PSG4: variants seen among roughly 807,000 people sequenced by gnomAD.
PSG4 encodes pregnancy specific beta-1-glycoprotein 4, also known as pregnancy-specific beta-1-glycoprotein 4.
PSG4 carries 61 observed loss-of-function variants against 44.3 expected under a neutral mutation model. That is an observed-to-expected ratio of 1.38 (90% confidence interval 1.12 to 1.70). The LOEUF (loss-of-function observed/expected upper bound fraction) is 1.70, where lower values mean the gene tolerates loss of function less well. Ranked by LOEUF, PSG4 falls within the 40% of genes most tolerant of loss-of-function variation. The pLI, the probability that PSG4 is intolerant of heterozygous loss-of-function variation, is 0.00. For missense variants in PSG4, 677 were observed against 511.7 expected, an observed-to-expected ratio of 1.32 and a Z score of -3.12; for synonymous variants, 248 against 191.3, an observed-to-expected ratio of 1.30 and a Z score of -2.45.
rs138298540 is a variant in PSG4 at position 43,195,521 on chromosome 19, G to A, written c.710-248C>T. Among the ~76,000 whole-genome samples the A allele has an allele frequency of 2.1e-3, 322 of 151,518 alleles. 4 individuals carry two copies. Among genetic ancestry groups the A allele is most frequent in the African/African-American group, 7.3e-3 (300 of 41,164 alleles). The stretch of plus-strand genomic sequence containing the variant: ...AATTGAGCAGCAGTGTTGGGTCATG[G>A]ACAGACATATCAGTGGGAGTCACAG... On this transcript the variant is annotated intron_variant, in intron 3 of 5. Coordinates refer to ENST00000405312, the MANE Select transcript of PSG4 (RefSeq NM_002780.5).
At chr19:43,203,760 C>G in intron 2 of PSG4, 126 bp downstream of exon 2, 2 of 1,469,464 alleles carry the variant, frequency 1.4e-6, no homozygotes, top group African/African-American at 3.1e-5. Context: ...ACTAAATGCC[C>G]AAACCCCAGC....
Position 43,193,331 on chromosome 19 carries a change from G to C in PSG4, c.*41C>G, listed in dbSNP as rs1254179684. ...GAACAGAGTGGGTCTTGCTCTTCGT[G>C]ATTCCATGGGAGAAAATGGAATTGG... On this transcript the variant is annotated 3_prime_UTR_variant, in exon 6 of 6. Transcript: ENST00000405312. The C allele has an allele frequency of 1.3e-6, 1 of 775,174 alleles. No individual in the cohort carries two copies. Among genetic ancestry groups the C allele is most frequent in the Non-Finnish European group, 2.4e-6 (1 of 417,624 alleles). 48.0% of individuals were successfully genotyped at this position (775,174 alleles called of 1,614,324 possible). A position where few individuals can be genotyped will look rare whatever the true frequency, so the allele number is the denominator to read the frequency against.
At chr19:43,201,611 C>T (rs28731285) in intron 2 of PSG4, among the ~76,000 whole-genome samples, 32,330 of 143,868 alleles carry the variant, frequency 0.22, 6,177 homozygotes, top group Non-Finnish European at 0.28. Flanking sequence ...CATTTCCCTC[C>T]GCCCGCATGA....
At position 43,204,292 on chromosome 19, in the gene PSG4, G is replaced by A. The variant is rs1200203854; in HGVS notation, c.65-41C>T. ...AGCATCAGTTAATATTGAGACCTAT[G>A]TATTGGGGTGAAAAGATGGGTCCTG... On this transcript the variant is annotated intron_variant, in intron 1 of 5. Coordinates refer to ENST00000405312, the MANE Select transcript of PSG4 (RefSeq NM_002780.5). 2.6e-6 allele frequency: 4 copies of A among 1,516,462 alleles called. 1 individual carries two copies. Among genetic ancestry groups the A allele is most frequent in the East Asian group, 2.7e-5 (1 of 36,922 alleles). 93.9% of individuals were successfully genotyped at this position (1,516,462 alleles called of 1,614,324 possible). A position where few individuals can be genotyped will look rare whatever the true frequency, so the allele number is the denominator to read the frequency against.
chr19:43,194,977 G>A lies in PSG4; in HGVS notation c.988+18C>T. ...TTAAGCTGGTGTCCTGGCCCACAGA[G>A]GAACAAAAGATACTCACAGAGGACA... is the stretch of plus-strand genomic sequence containing the variant. On this transcript the variant is annotated intron_variant, in intron 4 of 5. Coordinates refer to ENST00000405312, the MANE Select transcript of PSG4 (RefSeq NM_002780.5). 3.1e-6 allele frequency: 5 copies of A among 1,608,318 alleles called. No individual in the cohort carries two copies. Among genetic ancestry groups the A allele is most frequent in the Non-Finnish European group, 4.2e-6 (5 of 1,176,614 alleles).
rs182267926 is a variant in PSG4, at chr19:43,202,536, T to C, written c.430+1350A>G. ...TTCTTCATTCCATTCCTTCATTTGT[T>C]ATGTGAGAGCTCCTGAGTGTGTGTC... On this transcript the variant is annotated intron_variant, in intron 2 of 5. Transcript: ENST00000405312. Among the ~76,000 whole-genome samples the C allele has an allele frequency of 6.0e-4, 87 of 144,404 alleles. 13 individuals carry two copies. The highest frequency in any genetic ancestry group is 2.2e-3 in the African/African-American group (81 of 37,396). 94.7% of individuals were successfully genotyped at this position (144,404 alleles called of 152,430 possible). A position where few individuals can be genotyped will look rare whatever the true frequency, so the allele number is the denominator to read the frequency against.
Position 43,198,208 on chromosome 19 carries a change from G to A in PSG4, c.498C>T (p.Ile166=), listed in dbSNP as rs777358008. The A allele has an allele frequency of 3.0e-5, 48 of 1,587,692 alleles. 4 individuals carry two copies. Among genetic ancestry groups the A allele is most frequent in the Middle Eastern group, 3.4e-4 (2 of 5,962 alleles). Residue 166 remains isoleucine, a synonymous_variant, in exon 3 of 6, where the codon ATC becomes ATT. Coordinates refer to ENST00000405312, the MANE Select transcript of PSG4 (RefSeq NM_002780.5). ...CTGGAGTCGCAGGATCACAGGTTAA[G>A]ATCACAGCCTCCATGGCCTCCCTGG... The part of the protein sequence containing the change: ...LNPREAMEAV[I]LTCDPATPAA...
rs59165427 is a variant in PSG4, at chr19:43,205,111, C to CTTTTTTTTT, written c.64+353_64+361dup. ...TTCTTTTTTCTTTTTTTCCTTTTTT[C>CTTTTTTTTT]TTTTTTTTTTTTTTGAGACGGAGTC... On this transcript the variant is annotated intron_variant, in intron 1 of 5. Transcript: ENST00000405312. 6.6e-4 allele frequency among the ~76,000 whole-genome samples: 60 copies of CTTTTTTTTT among 90,838 alleles called. 12 individuals are homozygous for CTTTTTTTTT. Among genetic ancestry groups the CTTTTTTTTT allele is most frequent in the African/African-American group, 3.0e-3 (58 of 19,424 alleles). The allele number at this position is 90,838 out of a possible 152,430, so 59.6% of individuals were successfully genotyped here. A position where few individuals can be genotyped will look rare whatever the true frequency, so the allele number is the denominator to read the frequency against.
intron 3 of PSG4, among the ~76,000 whole-genome samples, chr19:43,195,964 G>C (rs1315090201): frequency 8.6e-5 from 13 of 150,808 alleles, no homozygotes; most frequent in Non-Finnish European, 4.4e-5. Flanking sequence ...AAGGGGACAG[G>C]CAAGAGCTGG....
chr19:43,204,762 C>G (rs1568391463), intron 1 of PSG4: 1 of 370,760 alleles, frequency 2.7e-6, no homozygotes, highest in Non-Finnish European at 5.2e-6. Context: ...CACCCCAGTA[C>G]CTGGAACAGG....
chr19:43,204,702 CGATGA>C (rs1967689806), intron 1 of PSG4: 2 of 208,046 alleles, frequency 9.6e-6, no homozygotes, highest in Admixed American at 5.9e-5. Flanking sequence ...CTTCCCCCCA[CGATGA>C]CTGTGTGAGC....
chr19:43,200,554 T>G (rs1967460620), intron 2 of PSG4, among the ~76,000 whole-genome samples: 1 of 133,094 alleles, frequency 7.5e-6, no homozygotes, highest in South Asian at 2.4e-4. Context: ...CCAGTAAGCA[T>G]CAAAAGCATT....
rs1483693248 is a variant in PSG4 at position 43,192,916 on chromosome 19, G to A, written c.*456C>T. On this transcript the variant is annotated 3_prime_UTR_variant, in exon 6 of 6. Coordinates refer to ENST00000405312, the MANE Select transcript of PSG4 (RefSeq NM_002780.5). ...TTCATTTCTATTGGGAGCCCTGTATGCAAGATGGAGAGAGCCACATTTCCC... is the reference window on the plus strand; with the variant it reads ...TTCATTTCTATTGGGAGCCCTGTATACAAGATGGAGAGAGCCACATTTCCC... 4 of 385,922 alleles carry A rather than the reference G, an allele frequency of 1.0e-5. No individual in the cohort carries two copies. Among genetic ancestry groups the A allele is most frequent in the African/African-American group, 2.0e-5 (1 of 49,428 alleles). 23.9% of individuals were successfully genotyped at this position (385,922 alleles called of 1,614,324 possible).
intron 2 of PSG4, chr19:43,199,052 G>A (rs539394669): frequency 6.8e-6 from 1 of 146,402 alleles, no homozygotes; most frequent in South Asian, 2.2e-4. Context: ...AGGACCATGT[G>A]GATCTTTCTA....
chr19:43,199,130 G>A (rs1290481751), intron 2 of PSG4, among the ~76,000 whole-genome samples: 1 of 146,302 alleles, frequency 6.8e-6, no homozygotes, highest in Non-Finnish European at 1.5e-5. Context: ...ACAGATGATG[G>A]AAGTCTGGCC....
In PSG4 at chr19:43,198,016, T is replaced by A; in HGVS notation, c.690A>T (p.Pro230=). The change falls in exon 3 of 6, where the codon CCA becomes CCT. Residue 230 remains proline, a synonymous_variant. Coordinates refer to ENST00000405312, the MANE Select transcript of PSG4 (RefSeq NM_002780.5). ...ACTCACGGAGGAGATTCAGGGTGAC[T>A]GGGTCACTGCGGCTGGCACTCACTG... is the stretch of plus-strand genomic sequence containing the variant. ...RNPVSASRSD[P]VTLNLLPKLS... 2 of 1,587,816 alleles carry A rather than the reference T, an allele frequency of 1.3e-6. No homozygotes were observed. The highest frequency in any genetic ancestry group is 1.7e-4 in the Middle Eastern group (1 of 5,964).
intron 2 of PSG4, among the ~76,000 whole-genome samples, chr19:43,201,338 A>G (rs1221705265): frequency 6.9e-6 from 1 of 145,862 alleles, no homozygotes; most frequent in African/African-American, 2.6e-5. Flanking sequence ...TTAAGATTAT[A>G]GGAGGGAACC....
intron 1 of PSG4, among the ~76,000 whole-genome samples, chr19:43,205,104 C>CTTTTCTCTTTTTTTT (rs1254623047): frequency 1.8e-5 from 1 of 54,062 alleles, no homozygotes; most frequent in African/African-American, 1.0e-4. Context: ...TCTTTTTTTC[C>CTTTTCTCTTTTTTTT]TTTTTTCTTT....
At position 43,204,773 on chromosome 19, in the gene PSG4, C is replaced by A; in HGVS notation, c.65-522G>T. The A allele has an allele frequency of 5.1e-6, 2 of 391,874 alleles. 1 individual carries two copies. Among genetic ancestry groups the A allele is most frequent in the Non-Finnish European group, 9.9e-6 (2 of 202,728 alleles). 24.3% of individuals were successfully genotyped at this position (391,874 alleles called of 1,614,324 possible). ...GTTGCACCCCAGTACCTGGAACAGGCGGCAGACTCCTGTAGATGTGAGAGT... is the reference window on the plus strand; with the variant it reads ...GTTGCACCCCAGTACCTGGAACAGGAGGCAGACTCCTGTAGATGTGAGAGT... On this transcript the variant is annotated intron_variant, in intron 1 of 5. Transcript: ENST00000405312.
Sources: allele counts gnomAD v4.1 joint callset (sites outside exome capture counted in the v4.1 genomes callset), GRCh38; gene constraint gnomAD v4.1.1; transcripts MANE v1.5; gene names NCBI Gene and HGNC (gene_info 2026-07-23, HGNC 2026-07-21).